TLN2: variants seen among roughly 807,000 people sequenced by gnomAD.
TLN2 encodes talin 2, also known as talin-2.
Under a neutral mutation model 294.7 loss-of-function variants are expected in TLN2, and 118 were observed. The observed-to-expected ratio is 0.40, with a 90% confidence interval of 0.34 to 0.47. The LOEUF (loss-of-function observed/expected upper bound fraction) is 0.47. Among genes scored for constraint, TLN2 ranks in the 20% least tolerant of loss-of-function variants. The probability of loss-of-function intolerance (pLI) is 0.84; values close to 1 mark genes in which losing one functional copy is unlikely to be tolerated. For missense variants in TLN2, 3,083 were observed against 3,282.2 expected (o/e 0.94, Z 1.48); for synonymous variants, 1,431 against 1,304.5 (o/e 1.10, Z -2.09).
intron 12 of TLN2, among the ~76,000 whole-genome samples, chr15:62,688,640 T>C (rs1006779680): frequency 1.3e-5 from 2 of 152,152 alleles, no homozygotes; most frequent in Non-Finnish European, 2.9e-5. Flanking sequence ...TTTCTACTTT[T>C]TCTTTCAGCT....
intron 1 of TLN2, among the ~76,000 whole-genome samples, chr15:62,473,590 G>A (rs569407680): frequency 5.9e-5 from 9 of 152,262 alleles, no homozygotes; most frequent in African/African-American, 9.6e-5. Flanking sequence ...TGAGTACGGA[G>A]CACAAACCTG....
chr15:62,758,296 GT>G (rs773054418), intron 37 of TLN2, among the ~76,000 whole-genome samples: 1 of 152,198 alleles, frequency 6.6e-6, no homozygotes, highest in Non-Finnish European at 1.5e-5. Context: ...CCATTTCTGT[GT>G]TTCTGCCTCC....
intron 14 of TLN2, among the ~76,000 whole-genome samples, chr15:62,694,611 G>A (rs1430065143): frequency 6.6e-6 from 1 of 152,208 alleles, no homozygotes; most frequent in Non-Finnish European, 1.5e-5. Context: ...CATTGACCAA[G>A]GTGTGGCATT....
chr15:62,683,789 C>T (rs1039805189), intron 11 of TLN2, among the ~76,000 whole-genome samples: 1 of 152,106 alleles, frequency 6.6e-6, no homozygotes, highest in African/African-American at 2.4e-5. Flanking sequence ...TAAAAGGAAG[C>T]TGGTCTGTGT....
At chr15:62,413,763 A>G (rs1323018337) in intron 1 of TLN2, among the ~76,000 whole-genome samples, 2 of 152,220 alleles carry the variant, frequency 1.3e-5, no homozygotes, top group Non-Finnish European at 2.9e-5. Flanking sequence ...CATGGGGTGG[A>G]TAGAGGCATT....
Position 62,841,485 on chromosome 15 carries a change from C to G in TLN2, c.*875C>G, listed in dbSNP as rs2070694881. On this transcript the variant is annotated 3_prime_UTR_variant, in exon 59 of 59. Coordinates refer to ENST00000636159, the MANE Select transcript of TLN2 (RefSeq NM_015059.3). ...GGAATAAAGAGCTTCCTCAGTGACT[C>G]ATCTTTAGGTCCCACGCTGGTTTCT... 6.6e-6 allele frequency: 1 copy of G among 152,144 alleles called. No individual in the cohort carries two copies. Among genetic ancestry groups the G allele is most frequent in the South Asian group, 2.1e-4 (1 of 4,828 alleles). The allele number at this position is 152,144 out of a possible 1,614,324, so 9.4% of individuals were successfully genotyped here.
At position 62,668,724 on chromosome 15, in the gene TLN2, A is replaced by G. The variant is rs546254275; in HGVS notation, c.789-5103A>G. ...TCAGAGTCAGTGTGTAGAATTATCT[A>G]AAGGGCTTGTTACAAGATGCCGGCT... is the stretch of plus-strand genomic sequence containing the variant. On this transcript the variant is annotated intron_variant, in intron 9 of 58. Coordinates refer to ENST00000636159, the MANE Select transcript of TLN2 (RefSeq NM_015059.3). Among the ~76,000 whole-genome samples the G allele has an allele frequency of 1.1e-4, 16 of 152,238 alleles. No individual in the cohort carries two copies. In the South Asian group the frequency reaches 3.1e-3, roughly 30 times the overall value.
At chr15:62,617,137 G>A (rs2048374847) in intron 2 of TLN2, among the ~76,000 whole-genome samples, 1 of 152,142 alleles carries the variant, frequency 6.6e-6, no homozygotes, top group South Asian at 2.1e-4. Context: ...AAATCACAGT[G>A]CTAGGCATTC....
chr15:62,677,412 A>G (rs553928579), intron 11 of TLN2, among the ~76,000 whole-genome samples: 142 of 152,344 alleles, frequency 9.3e-4, no homozygotes, highest in Non-Finnish European at 1.7e-3. Flanking sequence ...TGCCTCTTGC[A>G]TGTAGGTCAG....
intron 1 of TLN2, among the ~76,000 whole-genome samples, chr15:62,531,986 T>G (rs1238305157): frequency 6.6e-6 from 1 of 152,064 alleles, no homozygotes; most frequent in Non-Finnish European, 1.5e-5. Flanking sequence ...GAAAGAAGAG[T>G]CTGAACTGCT....
intron 1 of TLN2, among the ~76,000 whole-genome samples, chr15:62,472,846 T>G (rs1231280905): frequency 6.6e-6 from 1 of 152,154 alleles, no homozygotes; most frequent in Non-Finnish European, 1.5e-5. Context: ...GTAAACTGAC[T>G]GTGAGTGAGG....
chr15:62,718,267 C>A (rs184420346), intron 24 of TLN2, among the ~76,000 whole-genome samples: 2 of 152,344 alleles, frequency 1.3e-5, no homozygotes, highest in African/African-American at 4.8e-5. Flanking sequence ...AGGGAGTTGA[C>A]TCCCCCAGGG....
chr15:62,410,148 G>A (rs1419136812), intron 1 of TLN2, among the ~76,000 whole-genome samples: 8 of 151,984 alleles, frequency 5.3e-5, no homozygotes, highest in Non-Finnish European at 1.0e-4. Context: ...AGGCTGAGGC[G>A]GGAGAATTGC....
At position 62,761,900 on chromosome 15, in the gene TLN2, C is replaced by G. The variant is rs1047623785; in HGVS notation, c.4779+79C>G. 1.2e-5 allele frequency: 19 copies of G among 1,567,172 alleles called. No homozygotes were observed. The Admixed American group carries it at 3.0e-4, about 25-fold the overall frequency. ...GCACCAAATGAGTTACTAGTTAAAA[C>G]TCCAACAGCTCTCTCTGTCAACATG... On this transcript the variant is annotated intron_variant, in intron 38 of 58. Transcript: ENST00000636159.
intron 1 of TLN2, among the ~76,000 whole-genome samples, chr15:62,455,180 G>A (rs539054970): frequency 4.8e-4 from 63 of 131,296 alleles, no homozygotes; most frequent in Non-Finnish European, 9.2e-4. Context: ...TGCCTCCTGA[G>A]AGTGATACAG....
In TLN2 at chr15:62,665,950, T is replaced by C. The variant is rs148605299; in HGVS notation, c.789-7877T>C. Among the ~76,000 whole-genome samples, 17 of 152,352 alleles carry C rather than the reference T, an allele frequency of 1.1e-4. 1 individual carries two copies. The East Asian group carries it at 3.3e-3, about 29-fold the overall frequency. ...CCAGTGAACTTTTGTCTTGTGTTTC[T>C]GACAGCCCGGAGCTCTCCTATCCTC... On this transcript the variant is annotated intron_variant, in intron 9 of 58. Transcript: ENST00000636159.
chr15:62,596,413 T>A (rs1005971320), intron 2 of TLN2, among the ~76,000 whole-genome samples: 1 of 152,218 alleles, frequency 6.6e-6, no homozygotes, highest in African/African-American at 2.4e-5. Flanking sequence ...TATAGCATGT[T>A]CTATAACTTT....
rs1248167303 is a variant in TLN2 at position 62,841,969 on chromosome 15, C to CTCTG, written c.*1362_*1363insGTCT. 6.8e-6 allele frequency: 1 copy of CTCTG among 146,324 alleles called. No homozygotes were observed. The highest frequency in any genetic ancestry group is 2.5e-5 in the African/African-American group (1 of 39,698). 9.1% of individuals were successfully genotyped at this position (146,324 alleles called of 1,614,324 possible). On this transcript the variant is annotated 3_prime_UTR_variant, in exon 59 of 59. Coordinates refer to ENST00000636159, the MANE Select transcript of TLN2 (RefSeq NM_015059.3). ...AGTTAAAGGCACTCACCCTCCGCCTCTCTCTCTCTCTCTCTCTCTGGTGTG... is the reference window on the plus strand; with the variant it reads ...AGTTAAAGGCACTCACCCTCCGCCTCTCTGTCTCTCTCTCTCTCTCTCTGGTGTG...
intron 2 of TLN2, among the ~76,000 whole-genome samples, chr15:62,616,779 C>A (rs2048349212): frequency 6.6e-6 from 1 of 152,162 alleles, no homozygotes; most frequent in South Asian, 2.1e-4. Context: ...TATATTCAAC[C>A]TTTACTTTAA....
Sources: gnomAD v4.1 joint callset for allele counts (sites outside exome capture counted in the v4.1 genomes callset) on GRCh38, gnomAD v4.1.1 for gene constraint, MANE v1.5 for transcripts, NCBI Gene and HGNC (gene_info 2026-07-23, HGNC 2026-07-21) for gene names.